Variants in LPAR1 observed in about 807,000 individuals in gnomAD.
LPAR1 encodes lysophosphatidic acid receptor 1, also known as LPA receptor 1.
In LPAR1, 5 loss-of-function variants were observed where a neutral mutation model predicts 23.8. The observed-to-expected ratio is 0.21, with a 90% CI of 0.11 to 0.44. LPAR1 has a LOEUF of 0.44. Ranked by LOEUF, LPAR1 falls within the 20% of genes least tolerant of loss-of-function variation. The pLI, the probability that LPAR1 is intolerant of heterozygous loss-of-function variation, is 0.99. For synonymous variants in LPAR1, 160 were observed against 164.7 expected (o/e 0.97, Z 0.22); for missense variants, 311 against 482.8 (o/e 0.64, Z 3.33).
intron 2 of LPAR1, among the ~76,000 whole-genome samples, chr9:110,995,255 G>A (rs1378015943): frequency 6.6e-6 from 1 of 152,090 alleles, no homozygotes; most frequent in Non-Finnish European, 1.5e-5. Flanking sequence ...AAGTTTGAGA[G>A]CCAAATAAGA....
chr9:111,000,705 G>A (rs2097111514), intron 2 of LPAR1, among the ~76,000 whole-genome samples: 1 of 152,180 alleles, frequency 6.6e-6, no homozygotes, highest in African/African-American at 2.4e-5. Flanking sequence ...TGTCCAATAT[G>A]ATAGTTGCTC....
chr9:111,013,490 G>A (rs1180176148), intron 2 of LPAR1, among the ~76,000 whole-genome samples: 9 of 152,116 alleles, frequency 5.9e-5, no homozygotes, highest in Non-Finnish European at 1.2e-4. Context: ...ACAAATCAGT[G>A]ACATTCAGCA....
At chr9:110,894,361 T>C (rs1296792163) in intron 5 of LPAR1, among the ~76,000 whole-genome samples, 1 of 152,200 alleles carries the variant, frequency 6.6e-6, no homozygotes, top group Non-Finnish European at 1.5e-5. Context: ...AGCCTCAATA[T>C]CCTTATCTGT....
chr9:110,888,878 A>T (rs1488723461), intron 5 of LPAR1, among the ~76,000 whole-genome samples: 3 of 152,216 alleles, frequency 2.0e-5, no homozygotes, highest in Admixed American at 2.0e-4. Flanking sequence ...AACTGAAAAA[A>T]TGAATTTAGT....
rs1187005019 is a variant in LPAR1 at position 111,011,252 on chromosome 9, GT to G, written c.-182+24869del. 2.6e-5 allele frequency among the ~76,000 whole-genome samples: 4 copies of G among 152,210 alleles called. No individual in the cohort carries two copies. The East Asian group carries it at 7.7e-4, about 29-fold the overall frequency. On this transcript the variant is annotated intron_variant, in intron 2 of 5. Coordinates refer to ENST00000683809, the MANE Select transcript of LPAR1 (RefSeq NM_001351411.2). ...GTCTTAAAGCTATTTTAAGTATGTT[GT>G]TCATAAAATTTATAGCATCTCATCA...
At position 110,873,311 on chromosome 9, in the gene LPAR1, A is replaced by T. The variant is rs2078504143; in HGVS notation, c.*2110T>A. ...TCCAATTAGTATGCTTTTCATTTCAAATAATCCATATAGCCTCCAGAAAAA... is the reference window on the plus strand; with the variant it reads ...TCCAATTAGTATGCTTTTCATTTCATATAATCCATATAGCCTCCAGAAAAA... On this transcript the variant is annotated 3_prime_UTR_variant, in exon 6 of 6. Coordinates refer to ENST00000683809, the MANE Select transcript of LPAR1 (RefSeq NM_001351411.2). The T allele has an allele frequency of 4.6e-5, 7 of 152,230 alleles. No individual in the cohort carries two copies. In the South Asian group the frequency reaches 1.4e-3, roughly 31 times the overall value. 9.4% of individuals were successfully genotyped at this position (152,230 alleles called of 1,614,324 possible). A position where few individuals can be genotyped will look rare whatever the true frequency, so the allele number is the denominator to read the frequency against.
chr9:110,951,095 A>G (rs1419849956), intron 4 of LPAR1, among the ~76,000 whole-genome samples: 1 of 152,190 alleles, frequency 6.6e-6, no homozygotes, highest in Non-Finnish European at 1.5e-5. Context: ...GATTTTACCC[A>G]TCAATTGAGA....
chr9:111,004,692 G>A (rs1048989109), intron 2 of LPAR1, among the ~76,000 whole-genome samples: 5 of 152,096 alleles, frequency 3.3e-5, no homozygotes, highest in Non-Finnish European at 5.9e-5. Context: ...TGATGACTAG[G>A]AAATGTTGGC....
chr9:110,985,123 T>C (rs2139254447), intron 2 of LPAR1, among the ~76,000 whole-genome samples: 1 of 152,158 alleles, frequency 6.6e-6, no homozygotes, highest in Middle Eastern at 3.4e-3. Context: ...ATGGGTTCAT[T>C]TGCTTCACAT....
intron 5 of LPAR1, among the ~76,000 whole-genome samples, chr9:110,909,568 C>T (rs1396213476): frequency 6.6e-6 from 1 of 152,150 alleles, no homozygotes; most frequent in Non-Finnish European, 1.5e-5. Context: ...AGCCCTGTAT[C>T]ACACAAGGAT....
chr9:110,917,333 G>C (rs780883197), intron 5 of LPAR1, among the ~76,000 whole-genome samples: 1 of 152,044 alleles, frequency 6.6e-6, no homozygotes, highest in East Asian at 1.9e-4. Flanking sequence ...TAGATGACAA[G>C]AGCGAAATTC....
At chr9:110,932,963 G>A (rs1166660971) in intron 5 of LPAR1, among the ~76,000 whole-genome samples, 4 of 152,212 alleles carry the variant, frequency 2.6e-5, no homozygotes, top group Non-Finnish European at 5.9e-5. Context: ...GGGAGCTCAT[G>A]ACTTTCTTAT....
intron 4 of LPAR1, among the ~76,000 whole-genome samples, chr9:110,971,717 A>AACTCC: frequency 7.3e-6 from 1 of 136,386 alleles, no homozygotes; most frequent in Admixed American, 7.6e-5. Flanking sequence ...TATTTCATTA[A>AACTCC]ACCCCACCCC....
rs149701993 is a variant in LPAR1, at chr9:110,937,822, T to C, written c.793+3599A>G. 3.3e-3 allele frequency among the ~76,000 whole-genome samples: 506 copies of C among 152,352 alleles called. 4 individuals carry two copies. Among genetic ancestry groups the C allele is most frequent in the African/African-American group, 0.011 (475 of 41,574 alleles). ...ATAGGTCTAAAACCCAGGGATCATT[T>C]TGATGAAGTGAAAATGGAAACTGAG... On this transcript the variant is annotated intron_variant, in intron 5 of 5. Coordinates refer to ENST00000683809, the MANE Select transcript of LPAR1 (RefSeq NM_001351411.2).
chr9:110,909,073 A>G (rs919374285), intron 5 of LPAR1, among the ~76,000 whole-genome samples: 4 of 152,272 alleles, frequency 2.6e-5, no homozygotes, highest in African/African-American at 9.6e-5. Flanking sequence ...ACTCATCATG[A>G]CTGCTTCGTT....
intron 5 of LPAR1, among the ~76,000 whole-genome samples, chr9:110,909,209 C>A (rs569293648): frequency 6.6e-6 from 1 of 152,304 alleles, no homozygotes; most frequent in East Asian, 1.9e-4. Flanking sequence ...GCTGCAGCAC[C>A]CAAGAAAAGC....
In LPAR1 at chr9:110,902,949, T is replaced by C. The variant is rs576252867; in HGVS notation, c.794-27227A>G. 3.7e-4 allele frequency among the ~76,000 whole-genome samples: 57 copies of C among 152,216 alleles called. 1 individual carries two copies. In the South Asian group the frequency reaches 0.011, roughly 30 times the overall value. ...CCCAGATAAACCAAGAAGACCAAAA[T>C]AGCACCACAAAGTCTCTGAAAATGC... On this transcript the variant is annotated intron_variant, in intron 5 of 5. Transcript: ENST00000683809.
intron 2 of LPAR1, among the ~76,000 whole-genome samples, chr9:111,026,231 G>A (rs1404054878): frequency 6.6e-6 from 1 of 152,138 alleles, no homozygotes; most frequent in East Asian, 1.9e-4. Flanking sequence ...TCTCCTTGAA[G>A]ACATCCTTCA....
chr9:110,992,656 A>T (rs2096918844), intron 2 of LPAR1, among the ~76,000 whole-genome samples: 1 of 152,176 alleles, frequency 6.6e-6, no homozygotes, highest in African/African-American at 2.4e-5. Flanking sequence ...CCAGCAATAA[A>T]AACAAATGAA....
Sources: allele counts gnomAD v4.1 joint callset (sites outside exome capture counted in the v4.1 genomes callset), GRCh38; gene constraint gnomAD v4.1.1; transcripts MANE v1.5; gene names NCBI Gene and HGNC (gene_info 2026-07-23, HGNC 2026-07-21).